MLLT3: variants seen among roughly 807,000 people sequenced by gnomAD.
MLLT3 encodes MLLT3 super elongation complex subunit.
In MLLT3, 4 loss-of-function variants were observed where a neutral mutation model predicts 53.2. That is an observed-to-expected ratio of 0.08 (90% CI 0.04 to 0.17). The LOEUF is 0.17. Among genes scored for constraint, MLLT3 ranks in the 10% least tolerant of loss-of-function variants. MLLT3 has a pLI of 1.00. For synonymous variants in MLLT3, 283 were observed against 230.6 expected, an observed-to-expected ratio of 1.23 and a Z score of -2.06; for missense variants, 569 against 684.0, an observed-to-expected ratio of 0.83 and a Z score of 1.87.
chr9:20,620,401 G>A lies in MLLT3; in HGVS notation c.193+253C>T, dbSNP rs1269901213. ...CGGCTAACCCCAGAGGACTGGTGAG[G>A]GCTGGCTTGGGATGAATAAACACTC... On this transcript the variant is annotated intron_variant, in intron 2 of 10. Coordinates refer to ENST00000380338, the MANE Select transcript of MLLT3 (RefSeq NM_004529.4). This position sits in a 1 kb window ranked among gnomAD's most constrained non-coding sequence, Gnocchi z 6.1. Among the ~76,000 whole-genome samples the A allele has an allele frequency of 6.6e-6, 1 of 151,748 alleles. No homozygotes were observed. Among genetic ancestry groups the A allele is most frequent in the Non-Finnish European group, 1.5e-5 (1 of 67,934 alleles).
At chr9:20,535,860 C>T (rs1286115038) in intron 2 of MLLT3, among the ~76,000 whole-genome samples, 1 of 152,146 alleles carries the variant, frequency 6.6e-6, no homozygotes, top group Non-Finnish European at 1.5e-5. Context: ...CATTTTTAAG[C>T]TAGAAATATC....
At chr9:20,564,436 G>A (rs1292161095) in intron 2 of MLLT3, among the ~76,000 whole-genome samples, 1 of 152,148 alleles carries the variant, frequency 6.6e-6, no homozygotes, top group African/African-American at 2.4e-5. Flanking sequence ...TTTTAAGTGT[G>A]TCTAGGATCA....
chr9:20,365,800 A>C, intron 5 of MLLT3, 56 bp from the exon 6 acceptor site: 1 of 1,575,476 alleles, frequency 6.3e-7, no homozygotes, highest in Admixed American at 1.7e-5. Context: ...CCACACATCT[A>C]AAGTTGAAAA....
intron 4 of MLLT3, among the ~76,000 whole-genome samples, chr9:20,444,093 A>G (rs879378002): frequency 8.5e-5 from 13 of 152,194 alleles, no homozygotes; most frequent in Admixed American, 2.6e-4. Context: ...TCTTTCATCT[A>G]TCTTATAGTA....
chr9:20,352,244 T>C (rs1195715148), intron 10 of MLLT3, among the ~76,000 whole-genome samples: 1 of 152,210 alleles, frequency 6.6e-6, no homozygotes, highest in Non-Finnish European at 1.5e-5. Flanking sequence ...CACCCTCCTA[T>C]GAGACTCACT....
chr9:20,371,224 T>A (rs770074485), intron 5 of MLLT3, among the ~76,000 whole-genome samples: 1 of 152,224 alleles, frequency 6.6e-6, no homozygotes, highest in South Asian at 2.1e-4. Context: ...AAAGTGCAAG[T>A]TGAAGCAGCA....
chr9:20,576,150 C>G (rs986759640), intron 2 of MLLT3, among the ~76,000 whole-genome samples: 3 of 152,170 alleles, frequency 2.0e-5, no homozygotes, highest in African/African-American at 7.2e-5. Context: ...ATAAAACAAC[C>G]TCCAAACTAT....
intron 2 of MLLT3, among the ~76,000 whole-genome samples, chr9:20,560,747 T>C (rs1196002616): frequency 6.6e-6 from 1 of 152,126 alleles, no homozygotes; most frequent in African/African-American, 2.4e-5. Flanking sequence ...TACACTCTTA[T>C]TAAAAAATTT....
intron 5 of MLLT3, among the ~76,000 whole-genome samples, chr9:20,396,901 T>C (rs1822335155): frequency 6.6e-6 from 1 of 152,168 alleles, no homozygotes; most frequent in Non-Finnish European, 1.5e-5. Flanking sequence ...TCAAGATTTC[T>C]GGCTAGTGGA....
At chr9:20,616,767 T>C (rs1365663969) in intron 2 of MLLT3, among the ~76,000 whole-genome samples, 1 of 152,132 alleles carries the variant, frequency 6.6e-6, no homozygotes, top group Non-Finnish European at 1.5e-5. Flanking sequence ...TTTAATTGTA[T>C]CCAGTTGAGG....
chr9:20,469,967 T>C (rs973170792), intron 2 of MLLT3, among the ~76,000 whole-genome samples: 2 of 152,054 alleles, frequency 1.3e-5, no homozygotes, highest in Admixed American at 6.5e-5. Flanking sequence ...AACAGAAGTA[T>C]GAATTTTGGT....
chr9:20,366,382 T>C (rs955978744), intron 5 of MLLT3, among the ~76,000 whole-genome samples: 20 of 152,228 alleles, frequency 1.3e-4, no homozygotes, highest in Non-Finnish European at 2.4e-4. Context: ...AACTCATCCT[T>C]TTTATGGCTG....
At chr9:20,502,492 T>A (rs1825272148) in intron 2 of MLLT3, 1 of 152,444 alleles carries the variant, frequency 6.6e-6, no homozygotes, top group South Asian at 2.1e-4. Flanking sequence ...GTTCCACATC[T>A]GTGGATTCAA....
intron 2 of MLLT3, among the ~76,000 whole-genome samples, chr9:20,520,710 A>G (rs1247266951): frequency 6.6e-6 from 1 of 152,224 alleles, no homozygotes; most frequent in African/African-American, 2.4e-5. Flanking sequence ...TGAGTCTTCA[A>G]TTAGGAGCAC....
intron 2 of MLLT3, among the ~76,000 whole-genome samples, chr9:20,496,943 T>C (rs1825093122): frequency 6.6e-6 from 1 of 152,204 alleles, no homozygotes; most frequent in Admixed American, 6.5e-5. Context: ...CCACTGATCC[T>C]CCAACTTCCC....
chr9:20,531,079 C>CT (rs371687632), intron 2 of MLLT3, among the ~76,000 whole-genome samples: 6,216 of 125,204 alleles, frequency 0.05, 330 homozygotes, highest in African/African-American at 0.13. Context: ...TTGCTTTTAG[C>CT]TTTTTTTTTT....
chr9:20,388,151 TATTG>T (rs1822087969), intron 5 of MLLT3, among the ~76,000 whole-genome samples: 1 of 151,834 alleles, frequency 6.6e-6, no homozygotes, highest in South Asian at 2.1e-4. Flanking sequence ...GAAGATCAAG[TATTG>T]ATTTAGAAAA....
At chr9:20,451,767 C>T (rs1240472692) in intron 3 of MLLT3, among the ~76,000 whole-genome samples, 1 of 152,176 alleles carries the variant, frequency 6.6e-6, no homozygotes, top group African/African-American at 2.4e-5. Context: ...GCAGAAGCTT[C>T]AGTACTTGAC....
chr9:20,557,122 C>T (rs1819080392), intron 2 of MLLT3, among the ~76,000 whole-genome samples: 1 of 152,100 alleles, frequency 6.6e-6, no homozygotes, highest in Non-Finnish European at 1.5e-5. Context: ...AAGCTTTGCA[C>T]TTTCCCACCT....
Sources: gnomAD v4.1 joint callset for allele counts (sites outside exome capture counted in the v4.1 genomes callset) on GRCh38, gnomAD v4.1.1 for gene constraint, Gnocchi (gnomAD v3.1) non-coding constraint, MANE v1.5 for transcripts, NCBI Gene and HGNC (gene_info 2026-07-23, HGNC 2026-07-21) for gene names.